LAYN: variants seen among roughly 807,000 people sequenced by gnomAD.
The protein encoded by LAYN is layilin.
In LAYN, 38 loss-of-function variants were observed where a neutral mutation model predicts 43.6. The observed-to-expected ratio is 0.87, with a 90% CI of 0.67 to 1.14. LAYN has a LOEUF of 1.14. Among genes scored for constraint, LAYN ranks in the 50% most tolerant of loss-of-function variants. The pLI is 0.00. For missense variants in LAYN, 479 were observed against 463.8 expected (o/e 1.03, Z -0.30); for synonymous variants, 168 against 172.9 (o/e 0.97, Z 0.22).
chr11:111,556,629 G>T (rs1340074505), intron 5 of LAYN, among the ~76,000 whole-genome samples: 1 of 152,180 alleles, frequency 6.6e-6, no homozygotes, highest in East Asian at 1.9e-4. Flanking sequence ...TGTGAAAAAA[G>T]TACAAAGTGC....
In LAYN at chr11:111,560,522, T is replaced by C. The variant is rs1188366775; in HGVS notation, c.*64T>C. 2.6e-6 allele frequency: 4 copies of C among 1,509,828 alleles called. No homozygotes were observed. Among genetic ancestry groups the C allele is most frequent in the South Asian group, 1.3e-5 (1 of 75,982 alleles). 93.5% of individuals were successfully genotyped at this position (1,509,828 alleles called of 1,614,324 possible). On this transcript the variant is annotated 3_prime_UTR_variant, in exon 7 of 7. Transcript: ENST00000375614. The stretch of plus-strand genomic sequence containing the variant: ...AATGATAAGCAAAATCCTCTTATTT[T>C]CTATAAGGAAAATACACAGAAGGTC...
At chr11:111,554,072 C>G (rs1867790352) in intron 3 of LAYN, among the ~76,000 whole-genome samples, 1 of 152,186 alleles carries the variant, frequency 6.6e-6, no homozygotes, top group African/African-American at 2.4e-5. Flanking sequence ...TACTGAGCCC[C>G]TAAACCACTT....
chr11:111,560,520 T>C lies in LAYN; in HGVS notation c.*62T>C, dbSNP rs533908029. The C allele has an allele frequency of 7.7e-5, 117 of 1,514,932 alleles. No homozygotes were observed. The highest frequency in any genetic ancestry group is 8.0e-5 in the Non-Finnish European group (90 of 1,122,204). The allele number at this position is 1,514,932 out of a possible 1,614,324, so 93.8% of individuals were successfully genotyped here. A position where few individuals can be genotyped will look rare whatever the true frequency, so the allele number is the denominator to read the frequency against. ...GAAATGATAAGCAAAATCCTCTTAT[T>C]TTCTATAAGGAAAATACACAGAAGG... On this transcript the variant is annotated 3_prime_UTR_variant, in exon 7 of 7. Transcript: ENST00000375614.
rs1003465563 is a variant in LAYN at position 111,555,192 on chromosome 11, T to C, written c.575-15T>C. 4 of 1,595,306 alleles carry C rather than the reference T, an allele frequency of 2.5e-6. No homozygotes were observed. Among genetic ancestry groups the C allele is most frequent in the Non-Finnish European group, 2.6e-6 (3 of 1,163,626 alleles). On this transcript the variant is annotated splice_polypyrimidine_tract_variant and intron_variant, in intron 4 of 6. Transcript: ENST00000375614. ...GCCTTTCTTCAAGTTCACAAGTCCA[T>C]GTGTCTCTCTCCAGGTGAGGAAACA...
intron 1 of LAYN, among the ~76,000 whole-genome samples, chr11:111,542,260 T>C (rs1259098285): frequency 1.3e-5 from 2 of 152,186 alleles, no homozygotes; most frequent in Non-Finnish European, 2.9e-5. Flanking sequence ...GAATACCTTC[T>C]TGCAAGCAGG....
At position 111,543,580 on chromosome 11, in the gene LAYN, T is replaced by TA. The variant is rs1342255406; in HGVS notation, c.86-341dup. ...AGCCACATTATCCCCTGAGACTCCC[T>TA]AATGAAAGTGTTATTTGTGTGCCTT... On this transcript the variant is annotated intron_variant, in intron 1 of 6. Transcript: ENST00000375614. 5.9e-5 allele frequency among the ~76,000 whole-genome samples: 9 copies of TA among 152,348 alleles called. No homozygotes were observed. In the East Asian group the frequency reaches 1.7e-3, roughly 29 times the overall value.
Position 111,544,167 on chromosome 11 carries a change from C to A in LAYN, c.330C>A (p.Ser110Arg), listed in dbSNP as rs1399669242. ...GGCGTGAGGAGAAACAAAGCAATAG[C>A]ACAGCCTGCCAGGACCTTTATGCTT... The part of the protein sequence containing the change: ...LRRREEKQSN[S>R]TACQDLYAWT... Residue 110 changes from serine to arginine, a missense_variant, in exon 2 of 7, where the codon AGC becomes AGA. Ser to Arg is a moderately radical substitution (Grantham distance 110). Transcript: ENST00000375614. 5 of 1,614,066 alleles carry A rather than the reference C, an allele frequency of 3.1e-6. No homozygotes were observed. Among genetic ancestry groups the A allele is most frequent in the African/African-American group, 1.3e-5 (1 of 74,914 alleles).
rs1204681815 is a variant in LAYN at position 111,554,594 on chromosome 11, G to A, written c.574+1G>A. The A allele has an allele frequency of 6.2e-7, 1 of 1,613,050 alleles. No individual in the cohort carries two copies. The highest frequency in any genetic ancestry group is 1.3e-5 in the African/African-American group (1 of 75,028). The stretch of plus-strand genomic sequence containing the variant: ...GCAGTTCCTTCTAGAGAAGCTGAAG[G>A]TAAGCCTGTTACTTGAGATTTGGGT... On this transcript the variant is annotated splice_donor_variant, in intron 4 of 6. Coordinates refer to ENST00000375614, the MANE Select transcript of LAYN (RefSeq NM_178834.5). LOFTEE classifies it high-confidence loss of function.
At position 111,560,837 on chromosome 11, in the gene LAYN, A is replaced by G. The variant is rs140906743; in HGVS notation, c.*379A>G. 21 of 172,804 alleles carry G rather than the reference A, an allele frequency of 1.2e-4. No individual in the cohort carries two copies. Among genetic ancestry groups the G allele is most frequent in the Non-Finnish European group, 2.2e-4 (18 of 81,110 alleles). 10.7% of individuals were successfully genotyped at this position (172,804 alleles called of 1,614,324 possible). A position where few individuals can be genotyped will look rare whatever the true frequency, so the allele number is the denominator to read the frequency against. On this transcript the variant is annotated 3_prime_UTR_variant, in exon 7 of 7. Transcript: ENST00000375614. ...GCTCTATACAGCAGCACATATTATC[A>G]TACAGACAGAAAATCCAGAATCTTT...
At position 111,543,989 on chromosome 11, in the gene LAYN, C is replaced by A; in HGVS notation, c.152C>A (p.Ser51Tyr). The A allele has an allele frequency of 6.2e-7, 1 of 1,614,188 alleles. No individual in the cohort carries two copies. Among genetic ancestry groups the A allele is most frequent in the Non-Finnish European group, 8.5e-7 (1 of 1,180,024 alleles). ...CYKVIYFHDT[S>Y]RRLNFEEAKE... The stretch of plus-strand genomic sequence containing the variant: ...AAAGTCATTTACTTCCATGATACTT[C>A]TCGAAGACTGAACTTTGAGGAAGCC... The change falls in exon 2 of 7, where the codon TCT becomes TAT. Residue 51 changes from serine to tyrosine, a missense_variant. Coordinates refer to ENST00000375614, the MANE Select transcript of LAYN (RefSeq NM_178834.5).
chr11:111,560,309 A>G lies in LAYN; in HGVS notation c.976A>G (p.Met326Val). ...PDDMSCDYDNMAVNPSESGFV... is the reference protein window; with the variant it reads ...PDDMSCDYDNVAVNPSESGFV... ...TGACATGTCTTGTGACTATGACAACATGGCTGTGAACCCATCAGAAAGTGG... is the reference window on the plus strand; with the variant it reads ...TGACATGTCTTGTGACTATGACAACGTGGCTGTGAACCCATCAGAAAGTGG... Residue 326 changes from methionine to valine, a missense_variant, in exon 7 of 7, where the codon ATG (methionine) becomes GTG (valine). Physicochemically the swap from Met to Val is conservative, Grantham distance 21 (BLOSUM62 1). Coordinates refer to ENST00000375614, the MANE Select transcript of LAYN (RefSeq NM_178834.5). The G allele has an allele frequency of 1.2e-6, 2 of 1,614,206 alleles. No homozygotes were observed. Among genetic ancestry groups the G allele is most frequent in the Non-Finnish European group, 1.7e-6 (2 of 1,180,034 alleles).
chr11:111,545,642 G>A (rs1032486990), intron 2 of LAYN, among the ~76,000 whole-genome samples: 6 of 152,122 alleles, frequency 3.9e-5, no homozygotes, highest in Non-Finnish European at 5.9e-5. Context: ...ATAACTCATC[G>A]TTTAGTAAGA....
At position 111,560,239 on chromosome 11, in the gene LAYN, GA is replaced by G; in HGVS notation, c.908del (p.Lys303ArgfsTer26). The G allele has an allele frequency of 1.2e-6, 2 of 1,614,224 alleles. No homozygotes were observed. The highest frequency in any genetic ancestry group is 2.2e-5 in the South Asian group (2 of 91,088). ...ADLAETRPDL[K>X]NISFRVCSGE... ...ACTTAGCTGAGACCCGGCCAGACCT[GA>G]AGAATATTTCATTCCGAGTGTGTTC... On this transcript the variant is annotated frameshift_variant, in exon 7 of 7. Transcript: ENST00000375614. LOFTEE classifies it high-confidence loss of function.
At chr11:111,543,255 T>C (rs927333325) in intron 1 of LAYN, among the ~76,000 whole-genome samples, 2 of 152,218 alleles carry the variant, frequency 1.3e-5, no homozygotes, top group African/African-American at 4.8e-5. Flanking sequence ...AGTATCTGCA[T>C]CAGGGGACTA....
chr11:111,551,284 T>G, intron 3 of LAYN: 1 of 455,378 alleles, frequency 2.2e-6, no homozygotes, highest in Non-Finnish European at 4.4e-6. Flanking sequence ...CTGAGACTTC[T>G]CTTTCCTTCT....
In LAYN at chr11:111,554,594, G is replaced by GTAAGC; in HGVS notation, c.574+2_574+6dup. 1 of 1,613,050 alleles carries GTAAGC rather than the reference G, an allele frequency of 6.2e-7. No homozygotes were observed. Reference sequence around the variant, plus strand: ...GCAGTTCCTTCTAGAGAAGCTGAAGGTAAGCCTGTTACTTGAGATTTGGGT... The same window carrying GTAAGC: ...GCAGTTCCTTCTAGAGAAGCTGAAGGTAAGCTAAGCCTGTTACTTGAGATTTGGGT... On this transcript the variant is annotated splice_donor_variant, in intron 4 of 6. Transcript: ENST00000375614. LOFTEE classifies it high-confidence loss of function.
rs1276920072 is a variant in LAYN, at chr11:111,557,584, C to G, written c.702C>G (p.Pro234=). Residue 234 remains proline (P), a synonymous_variant, in exon 6 of 7, where the codon CCC becomes CCG. Coordinates refer to ENST00000375614, the MANE Select transcript of LAYN (RefSeq NM_178834.5). ...CCTACATCCTAATCCCCAGCATTCC[C>G]CTTCTCCTCCTCCTTGTGGTCACCA... is the stretch of plus-strand genomic sequence containing the variant. ...NLAYILIPSI[P]LLLLLVVTTV... is the part of the protein sequence containing the mutation. 1 of 1,614,168 alleles carries G rather than the reference C, an allele frequency of 6.2e-7. No individual in the cohort carries two copies. The highest frequency in any genetic ancestry group is 1.7e-5 in the Admixed American group (1 of 60,008).
intron 3 of LAYN, chr11:111,551,522 G>A: frequency 2.3e-6 from 1 of 428,364 alleles, no homozygotes. Flanking sequence ...TAGCATGCCA[G>A]AAGAGGATCG....
intron 3 of LAYN, chr11:111,551,532 G>A (rs918019318): frequency 2.4e-6 from 1 of 419,356 alleles, no homozygotes; most frequent in East Asian, 7.1e-5. Flanking sequence ...GAAGAGGATC[G>A]GCACAACCAG....
Sources: gnomAD v4.1 joint callset for allele counts (sites outside exome capture counted in the v4.1 genomes callset) on GRCh38, gnomAD v4.1.1 for gene constraint, MANE v1.5 for transcripts, NCBI Gene and HGNC (gene_info 2026-07-23, HGNC 2026-07-21) for gene names.